Variants in RIMS2 observed in about 807,000 individuals in gnomAD.
RIMS2 encodes the protein regulating synaptic membrane exocytosis protein 2.
A neutral mutation model predicts 174.4 loss-of-function variants in RIMS2; 59 were observed. The ratio of observed to expected loss-of-function variants is 0.34; its 90% CI spans 0.27 to 0.42. RIMS2 has a LOEUF of 0.42. Among genes scored for constraint, RIMS2 ranks in the 10% least tolerant of loss-of-function variants. The pLI is 1.00. For missense variants in RIMS2, 1,620 were observed against 1,666.3 expected (o/e 0.97, Z 0.48); for synonymous variants, 606 against 572.5 (o/e 1.06, Z -0.84).
chr8:103,675,860 A>C (rs751505467), intron 1 of RIMS2, among the ~76,000 whole-genome samples: 1 of 152,150 alleles, frequency 6.6e-6, no homozygotes, highest in Non-Finnish European at 1.5e-5. Context: ...ACTTTTAAAT[A>C]GTTTTTCTTT....
chr8:103,564,289 C>T (rs575303901), intron 1 of RIMS2, among the ~76,000 whole-genome samples: 1 of 152,252 alleles, frequency 6.6e-6, no homozygotes, highest in East Asian at 1.9e-4. Flanking sequence ...TTGTCTTCTT[C>T]AAAGTAGTCA....
rs1283280240 is a variant in RIMS2 at position 103,876,901 on chromosome 8, T to C, written c.699-8397T>C. On this transcript the variant is annotated intron_variant, in intron 3 of 23. Coordinates refer to ENST00000504942, the Ensembl canonical transcript of RIMS2. The stretch of plus-strand genomic sequence containing the variant: ...ATATATATATATATATATATATATA[T>C]ATATATATACACACACACCCCCATA... Among the ~76,000 whole-genome samples, 7 of 62,690 alleles carry C rather than the reference T, an allele frequency of 1.1e-4. 1 individual carries two copies. The highest frequency in any genetic ancestry group is 4.2e-4 in the African/African-American group (6 of 14,380). 41.1% of individuals were successfully genotyped at this position (62,690 alleles called of 152,430 possible).
At chr8:103,797,646 G>C (rs1355511578) in intron 3 of RIMS2, among the ~76,000 whole-genome samples, 3 of 152,160 alleles carry the variant, frequency 2.0e-5, no homozygotes, top group Non-Finnish European at 4.4e-5. Context: ...CTACATATCA[G>C]ATTGATCTTT....
intron 1 of RIMS2, among the ~76,000 whole-genome samples, chr8:103,692,146 G>C (rs905600654): frequency 2.6e-5 from 4 of 152,096 alleles, no homozygotes; most frequent in African/African-American, 9.7e-5. Context: ...GACTGCGCTG[G>C]GTCAGACCTA....
intron 13 of RIMS2, among the ~76,000 whole-genome samples, chr8:103,942,568 A>G (rs1389356296): frequency 6.6e-6 from 1 of 152,194 alleles, no homozygotes; most frequent in South Asian, 2.1e-4. Context: ...TGTCTTAGAT[A>G]TTTAAAACTA....
At chr8:103,605,486 C>G (rs1354392787) in intron 1 of RIMS2, among the ~76,000 whole-genome samples, 2 of 150,636 alleles carry the variant, frequency 1.3e-5, no homozygotes, top group African/African-American at 4.9e-5. Flanking sequence ...CTCTGCCCGG[C>G]TTTGGTATCA....
chr8:103,825,051 C>T (rs960416872), intron 3 of RIMS2, among the ~76,000 whole-genome samples: 2 of 151,972 alleles, frequency 1.3e-5, no homozygotes, highest in East Asian at 3.9e-4. Context: ...CCTATGAGCT[C>T]CTTGAATTAG....
intron 1 of RIMS2, among the ~76,000 whole-genome samples, chr8:103,566,175 C>T (rs1219224360): frequency 6.6e-6 from 1 of 152,138 alleles, no homozygotes; most frequent in African/African-American, 2.4e-5. Context: ...CATGTTAGAT[C>T]TAGCTTGTCT....
At chr8:103,786,742 A>G (rs1424834924) in intron 3 of RIMS2, among the ~76,000 whole-genome samples, 2 of 152,188 alleles carry the variant, frequency 1.3e-5, no homozygotes, top group East Asian at 1.9e-4. Context: ...AAAAATGTAT[A>G]TTCTGTTGAT....
chr8:103,568,112 A>G (rs6987023), intron 1 of RIMS2, among the ~76,000 whole-genome samples: 27,653 of 151,854 alleles, frequency 0.18, 2,759 homozygotes, highest in African/African-American at 0.26. Flanking sequence ...TACAAAACAA[A>G]TAAATAAATA....
chr8:104,016,800 A>G (rs1389967227), intron 19 of RIMS2, among the ~76,000 whole-genome samples: 1 of 152,066 alleles, frequency 6.6e-6, no homozygotes, highest in Non-Finnish European at 1.5e-5. Flanking sequence ...ATTCTTTGTA[A>G]TAGCAAGTAT....
intron 19 of RIMS2, among the ~76,000 whole-genome samples, chr8:104,170,141 A>G (rs1166757518): frequency 6.6e-6 from 1 of 152,078 alleles, no homozygotes; most frequent in Non-Finnish European, 1.5e-5. Context: ...ATATTCTCCA[A>G]TTGTTGGGAA....
chr8:104,032,864 A>G (rs943841930), intron 19 of RIMS2, among the ~76,000 whole-genome samples: 1 of 152,006 alleles, frequency 6.6e-6, no homozygotes, highest in Admixed American at 6.6e-5. Flanking sequence ...TCCAAACATT[A>G]TACTTGGCAC....
chr8:103,819,598 G>A, intron 3 of RIMS2: 1 of 1,613,380 alleles, frequency 6.2e-7, no homozygotes, highest in Non-Finnish European at 8.5e-7. Flanking sequence ...CTTACAAAAT[G>A]AGCTTTTTGG....
At chr8:103,737,089 C>T (rs185497242) in intron 2 of RIMS2, among the ~76,000 whole-genome samples, 2 of 151,886 alleles carry the variant, frequency 1.3e-5, no homozygotes, top group African/African-American at 4.8e-5. Context: ...TAATATGCAT[C>T]CCCTTGAAAG....
intron 16 of RIMS2, among the ~76,000 whole-genome samples, chr8:103,981,681 C>A (rs753518218): frequency 1.3e-5 from 2 of 151,760 alleles, no homozygotes; most frequent in South Asian, 2.1e-4. Flanking sequence ...AATTTAACAA[C>A]GAGATTGAAA....
intron 19 of RIMS2, among the ~76,000 whole-genome samples, chr8:104,119,184 A>T (rs1341017582): frequency 1.5e-5 from 2 of 133,130 alleles, no homozygotes; most frequent in African/African-American, 5.9e-5. Context: ...GTCTCTACTT[A>T]AAAACAAAAA....
intron 3 of RIMS2, among the ~76,000 whole-genome samples, chr8:103,810,831 A>G (rs2098682234): frequency 6.6e-6 from 1 of 152,208 alleles, no homozygotes; most frequent in Non-Finnish European, 1.5e-5. Flanking sequence ...AGAGAGAGGA[A>G]TTATATGAAA....
chr8:103,535,263 G>A (rs574351648), intron 1 of RIMS2, among the ~76,000 whole-genome samples: 47 of 152,306 alleles, frequency 3.1e-4, no homozygotes, highest in African/African-American at 1.0e-3. Context: ...GAGTATAAAT[G>A]CTTCCTCTTC....
Sources: allele counts gnomAD v4.1 joint callset (sites outside exome capture counted in the v4.1 genomes callset), GRCh38; gene constraint gnomAD v4.1.1; transcripts MANE v1.5; gene names NCBI Gene and HGNC (gene_info 2026-07-23, HGNC 2026-07-21).